Variants in SLC12A5 observed in about 807,000 individuals in gnomAD.
The protein encoded by SLC12A5 is K-Cl cotransporter 2.
In SLC12A5, 18 loss-of-function variants were observed where a neutral mutation model predicts 124.0. The observed-to-expected ratio is 0.15, with a 90% confidence interval of 0.10 to 0.22. The LOEUF (loss-of-function observed/expected upper bound fraction) is 0.22, where lower values mean the gene tolerates loss of function less well. SLC12A5 is among the 10% of genes least tolerant of loss of function. The pLI is 1.00. For synonymous variants in SLC12A5, 589 were observed against 568.0 expected, an observed-to-expected ratio of 1.04 and a Z score of -0.53; for missense variants, 867 against 1,478.7, an observed-to-expected ratio of 0.59 and a Z score of 6.78.
At chr20:46,030,207 G>T (rs976179890) in intron 1 of SLC12A5, among the ~76,000 whole-genome samples, 1 of 152,068 alleles carries the variant, frequency 6.6e-6, no homozygotes, top group Non-Finnish European at 1.5e-5. Flanking sequence ...TCCCTGGGGC[G>T]GTCCAGGGCG....
rs774414114 is a variant in SLC12A5, at chr20:46,041,549, A to G, written c.1066+9A>G. On this transcript the variant is annotated intron_variant, in intron 8 of 25. Transcript: ENST00000243964. ...CAGTGGCCTCATCAAAGGTCTGCGG[A>G]GGGACAAGGGCTGGCATCCAGGGAA... 3 of 1,613,232 alleles carry G rather than the reference A, an allele frequency of 1.9e-6. No homozygotes were observed. The South Asian group carries it at 3.3e-5, about 18-fold the overall frequency.
At chr20:46,021,877 G>A (rs773808264) in exon 1 of SLC12A5, 58 of 1,528,690 alleles carry the variant, frequency 3.8e-5, no homozygotes, top group Non-Finnish European at 5.0e-5. Context: ...CCCGGGGGAA[G>A]ACGTCAAAGG....
chr20:46,022,942 G>GA lies in SLC12A5; in HGVS notation c.61_62insA (p.Gly23ArgfsTer108). 2.6e-6 allele frequency: 1 copy of GA among 392,136 alleles called. No homozygotes were observed. The allele number at this position is 392,136 out of a possible 1,614,324, so 24.3% of individuals were successfully genotyped here. ...AATCGGCTTGTAGTGGCCCCAGCGA[G>GA]GGGAGGAGGAGGAGGAGGAGGAGGA... On this transcript the variant is annotated frameshift_variant, in exon 2 of 3. Transcript: ENST00000413737. LOFTEE classifies it high-confidence loss of function.
chr20:46,025,389 C>T (rs1242198001), upstream of SLC12A5, among the ~76,000 whole-genome samples: 1 of 152,170 alleles, frequency 6.6e-6, no homozygotes, highest in East Asian at 1.9e-4. Context: ...CCAAGGTGAG[C>T]CCTAGGAATC....
In SLC12A5 at chr20:46,022,066, CAA is replaced by C. The variant is rs899570472; in HGVS notation, c.48+182_48+183del. On this transcript the variant is annotated intron_variant, in intron 1 of 2. Transcript: ENST00000413737. ...ACCAAGGGGCCGGGGCCGCGGAACGCAAAGTGTGGAGGGGGAGGGGCCAAACG... is the reference window on the plus strand; with the variant it reads ...ACCAAGGGGCCGGGGCCGCGGAACGCAGTGTGGAGGGGGAGGGGCCAAACG... 18 of 582,968 alleles carry C rather than the reference CAA, an allele frequency of 3.1e-5. No homozygotes were observed. In the East Asian group the frequency reaches 3.6e-4, roughly 12 times the overall value. The allele number at this position is 582,968 out of a possible 1,614,324, so 36.1% of individuals were successfully genotyped here.
Position 46,053,498 on chromosome 20 carries a change from G to T in SLC12A5, c.2548-80G>T. The T allele has an allele frequency of 6.3e-7, 1 of 1,575,298 alleles. No individual in the cohort carries two copies. The highest frequency in any genetic ancestry group is 8.6e-7 in the Non-Finnish European group (1 of 1,157,462). On this transcript the variant is annotated intron_variant, in intron 19 of 25. Coordinates refer to ENST00000243964, the MANE Select transcript of SLC12A5 (RefSeq NM_020708.5). This position sits in a 1 kb window ranked among gnomAD's most constrained non-coding sequence, Gnocchi z 4.7. ...GAGGAGTGGGTGGGAAGAGGGGAAGGGTGAGCGGACAGGGCCTGGCCCTGG... is the reference window on the plus strand; with the variant it reads ...GAGGAGTGGGTGGGAAGAGGGGAAGTGTGAGCGGACAGGGCCTGGCCCTGG...
At chr20:46,048,305 A>G (rs1248217699) in intron 16 of SLC12A5, among the ~76,000 whole-genome samples, 4 of 152,140 alleles carry the variant, frequency 2.6e-5, no homozygotes, top group Non-Finnish European at 5.9e-5. Context: ...CACATACCCC[A>G]CCATGCTAGC....
At position 46,051,684 on chromosome 20, in the gene SLC12A5, C is replaced by A; in HGVS notation, c.2191C>A (p.Arg731Ser). 1 of 1,608,162 alleles carries A rather than the reference C, an allele frequency of 6.2e-7. No individual in the cohort carries two copies. The highest frequency in any genetic ancestry group is 8.5e-7 in the Non-Finnish European group (1 of 1,177,608). The change falls in exon 18 of 26, where the codon CGC (arginine) becomes AGC (serine). Residue 731 changes from arginine (R) to serine (S), a missense_variant. Arg to Ser is a moderately radical substitution (Grantham distance 110). Transcript: ENST00000243964. ...TTTCCCCCTCCCCTAGTCTATCAGG[C>A]GCCTGATGGAGGCAGAGAAGGTGAA... ...QAQRAEESIR[R>S]LMEAEKVKGF...
chr20:46,038,609 G>C (rs2084518291), intron 6 of SLC12A5, among the ~76,000 whole-genome samples: 1 of 152,200 alleles, frequency 6.6e-6, no homozygotes, highest in Non-Finnish European at 1.5e-5. Context: ...CAGCTTCATT[G>C]ATGAAAATGA....
Position 46,048,096 on chromosome 20 carries a change from A to AG in SLC12A5, c.2012+14dup. On this transcript the variant is annotated intron_variant, in intron 16 of 25. Coordinates refer to ENST00000243964, the MANE Select transcript of SLC12A5 (RefSeq NM_020708.5). The stretch of plus-strand genomic sequence containing the variant: ...CACCAAGAACTGGAGGTTAGTGGTG[A>AG]GGGCACGGGTGTGCATAAGAGTGTG... 1 of 1,604,066 alleles carries AG rather than the reference A, an allele frequency of 6.2e-7. No homozygotes were observed. The highest frequency in any genetic ancestry group is 1.7e-4 in the Middle Eastern group (1 of 6,038).
chr20:46,058,878 C>T lies in SLC12A5; in HGVS notation c.*1273C>T, dbSNP rs2084723714. On this transcript the variant is annotated 3_prime_UTR_variant, in exon 26 of 26. Coordinates refer to ENST00000243964, the MANE Select transcript of SLC12A5 (RefSeq NM_020708.5). The surrounding 1 kb of genome is among the most constrained non-coding windows in gnomAD (Gnocchi z 5.8). ...CAGCCGCCTTCTCCGTGCTCTGGGG[C>T]CGGGCCTCGCTGCTTAGCAGCGGCC... 2.5e-6 allele frequency: 1 copy of T among 397,444 alleles called. No homozygotes were observed. Among genetic ancestry groups the T allele is most frequent in the Admixed American group, 4.4e-5 (1 of 22,712 alleles). 24.6% of individuals were successfully genotyped at this position (397,444 alleles called of 1,614,324 possible). A position where few individuals can be genotyped will look rare whatever the true frequency, so the allele number is the denominator to read the frequency against.
intron 1 of SLC12A5, among the ~76,000 whole-genome samples, chr20:46,030,986 T>C (rs941735238): frequency 6.6e-6 from 1 of 152,072 alleles, no homozygotes; most frequent in Non-Finnish European, 1.5e-5. Context: ...TTGGCAAAGT[T>C]GAGTCTGCGG....
At chr20:46,033,826 C>T (rs921279561) in intron 1 of SLC12A5, among the ~76,000 whole-genome samples, 7 of 152,228 alleles carry the variant, frequency 4.6e-5, no homozygotes, top group Admixed American at 3.9e-4. Flanking sequence ...TGTTGCTCTA[C>T]ATTGCTCTGG....
upstream of SLC12A5, chr20:46,021,718 T>C (rs951546688): frequency 8.5e-5 from 130 of 1,527,064 alleles, no homozygotes; most frequent in East Asian, 2.0e-4. Flanking sequence ...TTGCAGCCAC[T>C]TGTGCGATCC....
intron 14 of SLC12A5, 144 bp from the exon 15 acceptor site, chr20:46,047,310 A>G: frequency 9.9e-7 from 1 of 1,014,482 alleles, no homozygotes. Flanking sequence ...CCTCATGGGG[A>G]TGATGGTGTG....
chr20:46,021,869 C>T, exon 1 of SLC12A5: 3 of 1,529,508 alleles, frequency 2.0e-6, no homozygotes, highest in Non-Finnish European at 2.6e-6. Context: ...CGCCACCTCC[C>T]GGGGGAAGAC....
chr20:46,034,100 G>C (rs563758789), intron 1 of SLC12A5, among the ~76,000 whole-genome samples: 1 of 152,170 alleles, frequency 6.6e-6, no homozygotes, highest in African/African-American at 2.4e-5. Flanking sequence ...CCCTTCCACA[G>C]ACTCCAGCCA....
chr20:46,043,832 G>A lies in SLC12A5; in HGVS notation c.1337-44G>A, dbSNP rs780866472. On this transcript the variant is annotated intron_variant, in intron 10 of 25. Transcript: ENST00000243964. ...TGCTGGTGCAGGAAGGGTGGGGAGG[G>A]GGAGGACTGAACCGTGGGGATTCTC... 5.6e-6 allele frequency: 9 copies of A among 1,613,580 alleles called. No individual in the cohort carries two copies. The East Asian group carries it at 6.7e-5, about 12-fold the overall frequency.
At chr20:46,048,419 T>C (rs1172826419) in intron 16 of SLC12A5, among the ~76,000 whole-genome samples, 2 of 152,194 alleles carry the variant, frequency 1.3e-5, no homozygotes, top group African/African-American at 4.8e-5. Flanking sequence ...TCTGGGGATG[T>C]AGGAAGCTCA....
Sources: gnomAD v4.1 joint callset for allele counts (sites outside exome capture counted in the v4.1 genomes callset) on GRCh38, gnomAD v4.1.1 for gene constraint, Gnocchi (gnomAD v3.1) non-coding constraint, MANE v1.5 for transcripts, NCBI Gene and HGNC (gene_info 2026-07-23, HGNC 2026-07-21) for gene names.